FAM163A: variants seen among roughly 807,000 people sequenced by gnomAD.
The protein encoded by FAM163A is protein FAM163A.
In FAM163A, 7 loss-of-function variants were observed where a neutral mutation model predicts 12.0. That is an observed-to-expected ratio of 0.58 (90% confidence interval 0.33 to 1.10). The LOEUF is 1.10. Ranked by LOEUF, FAM163A falls within the 50% of genes least tolerant of loss-of-function variation. FAM163A has a pLI of 0.03. For synonymous variants in FAM163A, 101 were observed against 91.0 expected (o/e 1.11, Z -0.62); for missense variants, 202 against 218.6 (o/e 0.92, Z 0.48).
At chr1:179,812,667 C>A (rs932302575) in intron 3 of FAM163A, among the ~76,000 whole-genome samples, 2 of 152,138 alleles carry the variant, frequency 1.3e-5, no homozygotes, top group African/African-American at 4.8e-5. Flanking sequence ...CTAATAACTG[C>A]CCCGAAGGGT....
At chr1:179,768,390 T>C (rs1336607077) in intron 1 of FAM163A, among the ~76,000 whole-genome samples, 1 of 152,214 alleles carries the variant, frequency 6.6e-6, no homozygotes, top group East Asian at 1.9e-4. Context: ...GCCAATAAGA[T>C]GTCTGTTTGT....
intron 1 of FAM163A, among the ~76,000 whole-genome samples, chr1:179,789,586 G>C (rs1257405192): frequency 6.6e-6 from 1 of 152,196 alleles, no homozygotes; most frequent in Admixed American, 6.5e-5. Flanking sequence ...CCAACCAGGA[G>C]GATGTAGACC....
At chr1:179,750,804 C>G (rs543636912) in intron 1 of FAM163A, among the ~76,000 whole-genome samples, 1 of 152,180 alleles carries the variant, frequency 6.6e-6, no homozygotes, top group African/African-American at 2.4e-5. Context: ...CCAGGGAAAC[C>G]TGTTAGCAGA....
At chr1:179,737,667 C>G in the FAM163A span, among the ~76,000 whole-genome samples, 1 of 152,110 alleles carries the variant, frequency 6.6e-6, no homozygotes, top group Non-Finnish European at 1.5e-5. Flanking sequence ...AACTCCGTCT[C>G]TACTAAAAAT....
upstream of FAM163A, among the ~76,000 whole-genome samples, chr1:179,741,304 G>T (rs190174849): frequency 6.6e-6 from 1 of 152,230 alleles, no homozygotes; most frequent in African/African-American, 2.4e-5. Context: ...GCAAGGATGC[G>T]GAGCAATGGC....
intron 1 of FAM163A, among the ~76,000 whole-genome samples, chr1:179,782,038 G>T (rs11804781): frequency 0.012 from 1,777 of 152,194 alleles, 28 homozygotes; most frequent in African/African-American, 0.04. Context: ...GGCCGGCTTG[G>T]GAGGCCAGCT....
At chr1:179,790,533 G>C (rs548086740) in intron 1 of FAM163A, among the ~76,000 whole-genome samples, 21 of 152,218 alleles carry the variant, frequency 1.4e-4, no homozygotes, top group Admixed American at 1.2e-3. Flanking sequence ...CTGGATAAAC[G>C]ACGAGTTGGT....
At chr1:179,779,487 C>G (rs2148167084) in intron 1 of FAM163A, among the ~76,000 whole-genome samples, 1 of 152,242 alleles carries the variant, frequency 6.6e-6, no homozygotes, top group South Asian at 2.1e-4. Flanking sequence ...GAGACCTGCT[C>G]CCTCCTGAAA....
chr1:179,806,336 A>G (rs573416028), intron 1 of FAM163A, among the ~76,000 whole-genome samples: 2 of 152,334 alleles, frequency 1.3e-5, no homozygotes, highest in Non-Finnish European at 2.9e-5. Flanking sequence ...GGTTAATGTG[A>G]ATGAGAACAT....
rs979969649 is a variant in FAM163A at position 179,777,480 on chromosome 1, C to G, written c.-135-30318C>G. On this transcript the variant is annotated intron_variant, in intron 1 of 4. Coordinates refer to ENST00000341785, the MANE Select transcript of FAM163A (RefSeq NM_173509.3). ...AGATCAGCCTTCGTGTGCCACCCCC[C>G]ACAGACCCGAAGAGCCTCTCAGACC... Among the ~76,000 whole-genome samples, 3 of 152,158 alleles carry G rather than the reference C, an allele frequency of 2.0e-5. No individual in the cohort carries two copies. The East Asian group carries it at 5.8e-4, about 29-fold the overall frequency.
At chr1:179,800,283 A>C (rs1403292197) in intron 1 of FAM163A, among the ~76,000 whole-genome samples, 1 of 152,194 alleles carries the variant, frequency 6.6e-6, no homozygotes, top group Non-Finnish European at 1.5e-5. Context: ...TTTGCTGAAA[A>C]AAACATGCAG....
rs1694932406 is a variant in FAM163A, at chr1:179,813,122, A to T, written c.25A>T (p.Thr9Ser). The T allele has an allele frequency of 6.4e-7, 1 of 1,551,800 alleles. No individual in the cohort carries two copies. Among genetic ancestry groups the T allele is most frequent in the Admixed American group, 2.0e-5 (1 of 50,998 alleles). ...GATGACAGCGGGAACGGTTGTGATC[A>T]CTGGCGGAATCCTAGCTACGGTGAT... Reference protein sequence around the residue: MTAGTVVITGGILATVILL... With the variant: MTAGTVVISGGILATVILL... Residue 9 changes from threonine (T) to serine (S), a missense_variant, in exon 4 of 5, where the codon ACT (threonine) becomes TCT (serine). Physicochemically the swap from Thr to Ser is moderately conservative, Grantham distance 58. Coordinates refer to ENST00000341785, the MANE Select transcript of FAM163A (RefSeq NM_173509.3).
intron 1 of FAM163A, among the ~76,000 whole-genome samples, chr1:179,745,024 C>G (rs1684268349): frequency 6.6e-6 from 1 of 152,168 alleles, no homozygotes; most frequent in African/African-American, 2.4e-5. Context: ...AAGAGGTGGA[C>G]CCCGGGGAAG....
chr1:179,756,596 C>T (rs927788749), intron 1 of FAM163A, among the ~76,000 whole-genome samples: 1 of 152,184 alleles, frequency 6.6e-6, no homozygotes, highest in Admixed American at 6.5e-5. Flanking sequence ...AAGAATACAA[C>T]GTCTAGGAGT....
chr1:179,801,013 G>A (rs1460444787), intron 1 of FAM163A, among the ~76,000 whole-genome samples: 1 of 152,090 alleles, frequency 6.6e-6, no homozygotes, highest in Non-Finnish European at 1.5e-5. Context: ...ACTCTGTTCT[G>A]AGGACTGCTG....
upstream of FAM163A, chr1:179,743,050 C>T (rs1236801103): frequency 6.6e-6 from 1 of 152,354 alleles, no homozygotes; most frequent in Non-Finnish European, 1.5e-5. Context: ...TGAGGCGTTC[C>T]CAGGGCGCCC....
intron 2 of FAM163A, among the ~76,000 whole-genome samples, chr1:179,808,576 T>C (rs1388830062): frequency 6.6e-6 from 1 of 152,214 alleles, no homozygotes; most frequent in East Asian, 1.9e-4. Context: ...CATGGCAACT[T>C]TCAGTATCAA....
intron 1 of FAM163A, among the ~76,000 whole-genome samples, chr1:179,776,704 A>G (rs1290109453): frequency 1.3e-5 from 2 of 152,138 alleles, no homozygotes; most frequent in South Asian, 2.1e-4. Context: ...AATATGGATG[A>G]TTTTCCCTGT....
At chr1:179,762,045 G>A (rs907461833) in intron 1 of FAM163A, among the ~76,000 whole-genome samples, 14 of 152,228 alleles carry the variant, frequency 9.2e-5, no homozygotes, top group Non-Finnish European at 1.3e-4. Flanking sequence ...GCTGCTTAAC[G>A]GCCAGGAATT....
Sources: gnomAD v4.1 joint callset for allele counts (sites outside exome capture counted in the v4.1 genomes callset) on GRCh38, gnomAD v4.1.1 for gene constraint, MANE v1.5 for transcripts, NCBI Gene and HGNC (gene_info 2026-07-23, HGNC 2026-07-21) for gene names.